Variants in ASPHD1 observed in about 807,000 individuals in gnomAD.
ASPHD1 encodes aspartate beta-hydroxylase domain-containing protein 1.
A neutral mutation model predicts 28.3 loss-of-function variants in ASPHD1; 20 were observed. That is an observed-to-expected ratio of 0.71 (90% CI 0.50 to 1.03). ASPHD1 has a LOEUF of 1.03. Ranked by LOEUF, ASPHD1 falls within the 50% of genes least tolerant of loss-of-function variation. The probability of loss-of-function intolerance (pLI) is 0.00; values close to 1 mark genes in which losing one functional copy is unlikely to be tolerated. For synonymous variants in ASPHD1, 240 were observed against 221.2 expected, an observed-to-expected ratio of 1.08 and a Z score of -0.75; for missense variants, 479 against 524.1, an observed-to-expected ratio of 0.91 and a Z score of 0.84.
downstream of ASPHD1, chr16:29,906,326 G>A (rs994492078): frequency 3.9e-5 from 8 of 206,326 alleles, no homozygotes; most frequent in Admixed American, 3.7e-4. Context: ...CTCTCCCCAG[G>A]AGCCAGCACC....
In ASPHD1 at chr16:29,905,964, C is replaced by A; in HGVS notation, c.*67C>A. On this transcript the variant is annotated 3_prime_UTR_variant, in exon 3 of 3. Coordinates refer to ENST00000308748, the MANE Select transcript of ASPHD1 (RefSeq NM_181718.4). ...GCGCTCAGGGACGGCTTGATGGTAG[C>A]CAGGACCTCCTCTCTACTGCGGGGG... The A allele has an allele frequency of 8.3e-7, 1 of 1,202,584 alleles. No individual in the cohort carries two copies. The highest frequency in any genetic ancestry group is 1.2e-6 in the Non-Finnish European group (1 of 831,168). 74.5% of individuals were successfully genotyped at this position (1,202,584 alleles called of 1,614,324 possible).
At chr16:29,918,349 G>T (rs2068845718) in intron 3 of ASPHD1, among the ~76,000 whole-genome samples, 1 of 152,216 alleles carries the variant, frequency 6.6e-6, no homozygotes, top group South Asian at 2.1e-4. Context: ...CGTCATTAAT[G>T]ACGAGTCATA....
At chr16:29,911,095 G>A (rs2068699825) in intron 3 of ASPHD1, 1 of 1,614,088 alleles carries the variant, frequency 6.2e-7, no homozygotes, top group Non-Finnish European at 8.5e-7. Context: ...CATCCTTGAG[G>A]AAGAGTAGCC....
intron 3 of ASPHD1, chr16:29,911,722 GC>G (rs2068713279): frequency 4.4e-6 from 6 of 1,352,428 alleles, no homozygotes; most frequent in East Asian, 4.7e-5. Flanking sequence ...GTTCTTGTAG[GC>G]CCCCCGTGTG....
At chr16:29,916,940 C>T (rs1224148197) in intron 3 of ASPHD1, among the ~76,000 whole-genome samples, 2 of 152,174 alleles carry the variant, frequency 1.3e-5, no homozygotes, top group Non-Finnish European at 2.9e-5. Context: ...AGTTCCTCAC[C>T]AAGTGGACCT....
chr16:29,905,733 G>C lies in ASPHD1; in HGVS notation c.1064-55G>C, dbSNP rs192963610. On this transcript the variant is annotated intron_variant, in intron 2 of 2. Coordinates refer to ENST00000308748, the MANE Select transcript of ASPHD1 (RefSeq NM_181718.4). ...TTTTATGGTGTTTGGTGAGTGCTCT[G>C]GTGTGCAAGTACCTAATGTCAGTGG... The C allele has an allele frequency of 2.6e-3, 3,270 of 1,240,152 alleles. 8 individuals are homozygous for C. The highest frequency in any genetic ancestry group is 3.4e-3 in the Non-Finnish European group (2,876 of 844,340). The allele number at this position is 1,240,152 out of a possible 1,614,324, so 76.8% of individuals were successfully genotyped here.
At chr16:29,910,928 T>C, downstream of ASPHD1, 1 of 1,555,350 alleles carries the variant, frequency 6.4e-7, no homozygotes, top group Non-Finnish European at 8.8e-7. Flanking sequence ...TCCAGGGTCC[T>C]GGTCCTGGCC....
chr16:29,906,148 C>CTTTTTTT, downstream of ASPHD1: 1 of 177,324 alleles, frequency 5.6e-6, no homozygotes, highest in South Asian at 1.0e-4. Context: ...TTTTTTCTTT[C>CTTTTTTT]TTTTTTTTTT....
At chr16:29,919,705 A>G (rs375663980), downstream of ASPHD1, 1 of 152,300 alleles carries the variant, frequency 6.6e-6, no homozygotes, top group East Asian at 1.9e-4. Flanking sequence ...ACAGATTATA[A>G]AACATTTCAT....
chr16:29,912,613 T>C (rs965320662), intron 3 of ASPHD1, among the ~76,000 whole-genome samples: 2 of 152,188 alleles, frequency 1.3e-5, no homozygotes, highest in African/African-American at 2.4e-5. Context: ...GCTAATTTTG[T>C]ATTTTTAGTA....
chr16:29,906,972 T>C (rs369496433), downstream of ASPHD1: 1 of 1,613,974 alleles, frequency 6.2e-7, no homozygotes, highest in Non-Finnish European at 8.5e-7. Flanking sequence ...GTTCTCTTCA[T>C]CCTCCCCGCG....
chr16:29,906,310 C>T, downstream of ASPHD1: 1 of 205,852 alleles, frequency 4.9e-6, no homozygotes, highest in Non-Finnish European at 9.9e-6. Context: ...AGGCATCTCC[C>T]CGTCCCTCTC....
At chr16:29,905,104 G>A (rs937805287) in intron 2 of ASPHD1, 139 bp downstream of exon 2, 10 of 606,008 alleles carry the variant, frequency 1.7e-5, no homozygotes, top group Admixed American at 9.9e-5. Context: ...TGAACAAGCC[G>A]CATAACTTCT....
downstream of ASPHD1, chr16:29,906,889 T>C: frequency 2.5e-6 from 4 of 1,613,794 alleles, no homozygotes; most frequent in Non-Finnish European, 3.4e-6. Flanking sequence ...TTGAAGACAA[T>C]TTGTTGGCCA....
intron 3 of ASPHD1, among the ~76,000 whole-genome samples, chr16:29,917,747 C>T (rs897364173): frequency 6.6e-6 from 1 of 152,002 alleles, no homozygotes; most frequent in Non-Finnish European, 1.5e-5. Flanking sequence ...CCACTGCACT[C>T]CAGTCTGGGC....
In ASPHD1 at chr16:29,901,197, G is replaced by C. The variant is rs756871445; in HGVS notation, c.226G>C (p.Ala76Pro). Residue 76 changes from alanine to proline, a missense_variant, in exon 1 of 3, where the codon GCC (alanine) becomes CCC (proline). By Grantham distance (27) the Ala-to-Pro change is conservative (BLOSUM62 -1). Coordinates refer to ENST00000308748, the MANE Select transcript of ASPHD1 (RefSeq NM_181718.4). This position sits in a 1 kb window ranked among gnomAD's most constrained non-coding sequence, Gnocchi z 5.1. ...LIMLPWPLPL[A>P]SSALTLLFGA... ...CATGCTCCCGTGGCCACTACCCCTGGCCTCCTCGGCCCTCACCTTGCTCTT... is the reference window on the plus strand; with the variant it reads ...CATGCTCCCGTGGCCACTACCCCTGCCCTCCTCGGCCCTCACCTTGCTCTT... 1.2e-6 allele frequency: 2 copies of C among 1,613,726 alleles called. No homozygotes were observed. Among genetic ancestry groups the C allele is most frequent in the East Asian group, 4.5e-5 (2 of 44,846 alleles).
intron 2 of ASPHD1, chr16:29,905,199 C>A: frequency 2.4e-6 from 1 of 425,414 alleles, no homozygotes; most frequent in African/African-American, 2.1e-5. Context: ...AAAGCGGTTA[C>A]CAGCACAGGA....
At chr16:29,905,131 A>G (rs1366941099) in intron 2 of ASPHD1, 166 bp downstream of exon 2, 2 of 554,406 alleles carry the variant, frequency 3.6e-6, no homozygotes, top group Non-Finnish European at 6.4e-6. Context: ...CCCTAGGACC[A>G]CCACCTTCTT....
chr16:29,910,338 C>T (rs2068684715), downstream of ASPHD1, among the ~76,000 whole-genome samples: 1 of 151,874 alleles, frequency 6.6e-6, no homozygotes, highest in Non-Finnish European at 1.5e-5. Flanking sequence ...GTAGAGGTTG[C>T]GGTGAGCGGA....
Sources: allele counts gnomAD v4.1 joint callset (sites outside exome capture counted in the v4.1 genomes callset), GRCh38; gene constraint gnomAD v4.1.1; non-coding constraint Gnocchi (gnomAD v3.1); transcripts MANE v1.5; gene names NCBI Gene and HGNC (gene_info 2026-07-23, HGNC 2026-07-21).